Variants in FCHSD2 observed in about 807,000 individuals in gnomAD.
FCHSD2 encodes the protein F-BAR and double SH3 domains protein 2.
Under a neutral mutation model 108.1 loss-of-function variants are expected in FCHSD2, and 38 were observed. The ratio of observed to expected loss-of-function variants is 0.35; its 90% CI spans 0.27 to 0.46. The LOEUF is 0.46. Among genes scored for constraint, FCHSD2 ranks in the 20% least tolerant of loss-of-function variants. The probability of loss-of-function intolerance (pLI) is 1.00; values close to 1 mark genes in which losing one functional copy is unlikely to be tolerated. For synonymous variants in FCHSD2, 279 were observed against 314.7 expected (o/e 0.89, Z 1.20); for missense variants, 751 against 897.8 (o/e 0.84, Z 2.09).
At chr11:72,860,593 C>A (rs1384711419) in intron 13 of FCHSD2, among the ~76,000 whole-genome samples, 1 of 152,066 alleles carries the variant, frequency 6.6e-6, no homozygotes, top group Non-Finnish European at 1.5e-5. Context: ...TCCTATAATC[C>A]TACCACTTTG....
intron 4 of FCHSD2, among the ~76,000 whole-genome samples, chr11:73,001,663 G>A (rs1857628890): frequency 1.3e-5 from 2 of 152,046 alleles, no homozygotes; most frequent in South Asian, 2.1e-4. Flanking sequence ...ATAAACTGAC[G>A]CGGCTGGAAA....
At chr11:72,876,196 G>A (rs1854966137) in intron 12 of FCHSD2, among the ~76,000 whole-genome samples, 1 of 152,136 alleles carries the variant, frequency 6.6e-6, no homozygotes, top group Non-Finnish European at 1.5e-5. Context: ...TGGGTTTGGT[G>A]GTACATGCCT....
chr11:73,035,340 G>C (rs970388249), intron 3 of FCHSD2, among the ~76,000 whole-genome samples: 4 of 152,074 alleles, frequency 2.6e-5, no homozygotes, highest in Admixed American at 2.0e-4. Flanking sequence ...CTCCTGGCTT[G>C]TATTTTTTGT....
At chr11:73,110,968 T>C (rs1397157139) in intron 2 of FCHSD2, among the ~76,000 whole-genome samples, 1 of 152,220 alleles carries the variant, frequency 6.6e-6, no homozygotes, top group Non-Finnish European at 1.5e-5. Context: ...TTCCATGTGG[T>C]TATATAGTTT....
intron 2 of FCHSD2, among the ~76,000 whole-genome samples, chr11:73,103,947 A>C (rs1327144710): frequency 1.3e-5 from 2 of 152,234 alleles, no homozygotes; most frequent in Non-Finnish European, 2.9e-5. Context: ...GCAATGTCTG[A>C]AACAAGGTGC....
intron 12 of FCHSD2, 114 bp from the exon 13 acceptor site, chr11:72,868,140 C>T: frequency 1.1e-6 from 1 of 896,364 alleles, no homozygotes; most frequent in Non-Finnish European, 1.7e-6. Context: ...AAATGTGGTA[C>T]ATATACACCA....
At chr11:72,991,649 A>G (rs1007909816) in intron 5 of FCHSD2, among the ~76,000 whole-genome samples, 11 of 152,216 alleles carry the variant, frequency 7.2e-5, no homozygotes, top group Admixed American at 6.5e-4. Context: ...AACAGAACCA[A>G]CGACAAAAAC....
At chr11:72,931,102 T>G (rs866468413) in intron 8 of FCHSD2, among the ~76,000 whole-genome samples, 416 of 150,128 alleles carry the variant, frequency 2.8e-3, no homozygotes, top group Non-Finnish European at 4.7e-3. Flanking sequence ...TTAAATTTTT[T>G]TTTTTTTTTT....
At chr11:72,938,213 T>C (rs1298702122) in intron 8 of FCHSD2, among the ~76,000 whole-genome samples, 3 of 150,884 alleles carry the variant, frequency 2.0e-5, no homozygotes, top group African/African-American at 7.3e-5. Context: ...GACGGAGTTT[T>C]GCTCTTGTTG....
intron 8 of FCHSD2, among the ~76,000 whole-genome samples, chr11:72,923,806 G>A (rs761429045): frequency 5.3e-5 from 8 of 152,118 alleles, no homozygotes; most frequent in Non-Finnish European, 7.4e-5. Flanking sequence ...TGATGTAGTG[G>A]CGTCTGCCTG....
At chr11:73,064,820 C>T (rs887255400) in intron 3 of FCHSD2, among the ~76,000 whole-genome samples, 1 of 152,124 alleles carries the variant, frequency 6.6e-6, no homozygotes, top group African/African-American at 2.4e-5. Context: ...GAAGTCGAAT[C>T]CTTGAATAAA....
At chr11:73,034,289 T>C (rs1458827785) in intron 3 of FCHSD2, among the ~76,000 whole-genome samples, 1 of 152,196 alleles carries the variant, frequency 6.6e-6, no homozygotes. Context: ...TAAAGTGGAA[T>C]TTTTTAAAAG....
intron 13 of FCHSD2, among the ~76,000 whole-genome samples, chr11:72,855,616 ACT>A (rs1415835974): frequency 2.6e-5 from 4 of 152,208 alleles, no homozygotes; most frequent in African/African-American, 7.2e-5. Flanking sequence ...TGAAAAGCAC[ACT>A]CTCTTCTGAA....
chr11:73,067,387 G>A (rs1004067810), intron 3 of FCHSD2, among the ~76,000 whole-genome samples: 2 of 151,928 alleles, frequency 1.3e-5, no homozygotes, highest in Non-Finnish European at 2.9e-5. Context: ...ATAGGTGACG[G>A]GTTGTTGGGT....
intron 3 of FCHSD2, among the ~76,000 whole-genome samples, chr11:73,070,539 T>C (rs890713513): frequency 6.6e-6 from 1 of 152,158 alleles, no homozygotes; most frequent in African/African-American, 2.4e-5. Flanking sequence ...TTCTCCTGCC[T>C]CAGCCTCCTG....
At chr11:73,034,361 C>A (rs1026595283) in intron 3 of FCHSD2, among the ~76,000 whole-genome samples, 1 of 152,216 alleles carries the variant, frequency 6.6e-6, no homozygotes, top group Admixed American at 6.5e-5. Context: ...CTCATGTAGC[C>A]TGTCTGATTT....
intron 13 of FCHSD2, among the ~76,000 whole-genome samples, chr11:72,865,996 G>C (rs1453797348): frequency 6.6e-6 from 1 of 152,194 alleles, no homozygotes; most frequent in Non-Finnish European, 1.5e-5. Context: ...TAAGTACAAA[G>C]TTAGATGGTA....
chr11:72,949,843 A>G (rs1856589855), intron 8 of FCHSD2, among the ~76,000 whole-genome samples: 1 of 152,252 alleles, frequency 6.6e-6, no homozygotes. Flanking sequence ...ACATTTGTGT[A>G]CACAACTTTT....
intron 12 of FCHSD2, among the ~76,000 whole-genome samples, chr11:72,883,353 A>C (rs746373190): frequency 1.3e-5 from 2 of 152,254 alleles, no homozygotes; most frequent in Non-Finnish European, 2.9e-5. Context: ...TTTCCAATCT[A>C]GAAAATGAAA....
Sources: gnomAD v4.1 joint callset for allele counts (sites outside exome capture counted in the v4.1 genomes callset) on GRCh38, gnomAD v4.1.1 for gene constraint, MANE v1.5 for transcripts, NCBI Gene and HGNC (gene_info 2026-07-23, HGNC 2026-07-21) for gene names.